Variants in DMXL2 observed in about 807,000 individuals in gnomAD.
DMXL2 encodes the protein dmX-like protein 2.
DMXL2 carries 103 observed loss-of-function variants against 331.1 expected under a neutral mutation model. The ratio of observed to expected loss-of-function variants is 0.31; its 90% CI spans 0.27 to 0.37. DMXL2 has a LOEUF of 0.37. Ranked by LOEUF, DMXL2 falls within the 10% of genes least tolerant of loss-of-function variation. The pLI is 1.00. For synonymous variants in DMXL2, 1,281 were observed against 1,252.1 expected (o/e 1.02, Z -0.49); for missense variants, 3,171 against 3,642.9 (o/e 0.87, Z 3.33).
intron 10 of DMXL2, among the ~76,000 whole-genome samples, chr15:51,538,007 T>C (rs922067344): frequency 2.0e-5 from 3 of 152,214 alleles, no homozygotes; most frequent in Non-Finnish European, 2.9e-5. Context: ...GAAAAGGATA[T>C]GGCTTCCAAA....
At chr15:51,450,462 C>T (rs2039037242) in intron 42 of DMXL2, 116 bp from the exon 43 acceptor site, 1 of 985,780 alleles carries the variant, frequency 1.0e-6, no homozygotes, top group Non-Finnish European at 1.5e-6. Flanking sequence ...TTCTAAGGTA[C>T]ATTTATTGTT....
chr15:51,488,430 C>T (rs1307722483), intron 21 of DMXL2, 118 bp downstream of exon 21: 3 of 884,348 alleles, frequency 3.4e-6, no homozygotes, highest in Admixed American at 2.7e-5. Flanking sequence ...GGAACCAGGT[C>T]GCATAGAAGT....
chr15:51,480,055 T>C lies in DMXL2; in HGVS notation c.6649A>G (p.Thr2217Ala). Residue 2217 changes from threonine (T) to alanine (A), a missense_variant, in exon 25 of 44, where the codon ACA (threonine) becomes GCA (alanine). Thr to Ala is a moderately conservative substitution (Grantham distance 58). Coordinates refer to ENST00000560891, the MANE Select transcript of DMXL2 (RefSeq NM_001378457.1). ...LLSASIASTK[T>A]VIANPVLYLN... The stretch of plus-strand genomic sequence containing the variant: ...TACAATACAGGATTAGCTATGACTG[T>C]TTTTGTTGACGCAATACTTGCTGAA... 1.2e-6 allele frequency: 2 copies of C among 1,602,960 alleles called. No homozygotes were observed. The highest frequency in any genetic ancestry group is 1.7e-6 in the Non-Finnish European group (2 of 1,171,458).
intron 23 of DMXL2, among the ~76,000 whole-genome samples, chr15:51,485,824 T>C (rs1483898734): frequency 2.6e-5 from 4 of 152,104 alleles, no homozygotes; most frequent in African/African-American, 7.2e-5. Flanking sequence ...TTAAAAAAAA[T>C]GGCTATATGA....
chr15:51,568,358 C>T (rs932971297), intron 3 of DMXL2, 129 bp downstream of exon 3: 2 of 602,346 alleles, frequency 3.3e-6, no homozygotes, highest in Middle Eastern at 9.1e-4. Flanking sequence ...ACATAAAGCA[C>T]TAGACCAATT....
Position 51,476,609 on chromosome 15 carries a change from G to A in DMXL2, c.6944C>T (p.Ser2315Leu). ...ESIEEHATPN[S>L]SPAQWPGVSS... ...CTCACCAGGCCATTGAGCAGGAGAT[G>A]AATTTGGTGTTGCGTGTTCTTCAAT... The change falls in exon 27 of 44, where the codon TCA (serine) becomes TTA (leucine). Residue 2315 changes from serine to leucine, a missense_variant. Transcript: ENST00000560891. 6.2e-7 allele frequency: 1 copy of A among 1,609,062 alleles called. No individual in the cohort carries two copies. The highest frequency in any genetic ancestry group is 8.5e-7 in the Non-Finnish European group (1 of 1,178,418).
At chr15:51,522,371 C>T (rs540762902) in intron 13 of DMXL2, among the ~76,000 whole-genome samples, 12 of 152,280 alleles carry the variant, frequency 7.9e-5, no homozygotes, top group African/African-American at 2.9e-4. Context: ...AGGGGCTGGG[C>T]GCAGTGGTGC....
At chr15:51,519,512 AATTT>A (rs1433881885) in intron 13 of DMXL2, among the ~76,000 whole-genome samples, 1 of 152,104 alleles carries the variant, frequency 6.6e-6, no homozygotes, top group African/African-American at 2.4e-5. Context: ...TTTAAGTTTA[AATTT>A]ATTTATACCA....
chr15:51,472,148 G>A (rs1169444871), intron 28 of DMXL2, among the ~76,000 whole-genome samples: 1 of 152,120 alleles, frequency 6.6e-6, no homozygotes, highest in Non-Finnish European at 1.5e-5. Context: ...CAGGAATTGG[G>A]TATGGGAGGG....
At chr15:51,452,692 T>G (rs1253857736) in intron 41 of DMXL2, among the ~76,000 whole-genome samples, 2 of 152,136 alleles carry the variant, frequency 1.3e-5, no homozygotes, top group African/African-American at 2.4e-5. Flanking sequence ...GGAGATTCCT[T>G]AAAGAACTAT....
chr15:51,452,761 G>C (rs1031134011), intron 41 of DMXL2, among the ~76,000 whole-genome samples: 2 of 152,120 alleles, frequency 1.3e-5, no homozygotes, highest in Non-Finnish European at 2.9e-5. Flanking sequence ...CAGAGGAAAA[G>C]AAGTCATTAT....
intron 13 of DMXL2, among the ~76,000 whole-genome samples, chr15:51,525,207 C>T (rs1376943830): frequency 1.3e-5 from 2 of 151,902 alleles, no homozygotes; most frequent in African/African-American, 4.8e-5. Context: ...CACCTGCTAA[C>T]TGAAGAGCCT....
At position 51,478,545 on chromosome 15, in the gene DMXL2, T is replaced by G. The variant is rs139873368; in HGVS notation, c.6757-198A>C. On this transcript the variant is annotated intron_variant, in intron 25 of 43. Transcript: ENST00000560891. The stretch of plus-strand genomic sequence containing the variant: ...ATACACATGCCACAATAAAGCTGAT[T>G]GTTTCAGACACATTTTAATCAAACA... 3.3e-3 allele frequency among the ~76,000 whole-genome samples: 502 copies of G among 152,258 alleles called. 4 individuals are homozygous for G. Among genetic ancestry groups the G allele is most frequent in the African/African-American group, 0.011 (470 of 41,550 alleles).
intron 2 of DMXL2, among the ~76,000 whole-genome samples, chr15:51,573,316 T>G (rs2050794940): frequency 6.6e-6 from 1 of 152,130 alleles, no homozygotes; most frequent in African/African-American, 2.4e-5. Context: ...GAACCAGAAA[T>G]ACCATTTGAC....
chr15:51,529,322 A>AT (rs1473516227), intron 13 of DMXL2, among the ~76,000 whole-genome samples: 11 of 152,082 alleles, frequency 7.2e-5, no homozygotes, highest in Admixed American at 7.2e-4. Flanking sequence ...CAAAAAGTTA[A>AT]TTTTTTGAAA....
intron 40 of DMXL2, among the ~76,000 whole-genome samples, chr15:51,454,360 C>T (rs756415324): frequency 3.3e-5 from 5 of 152,060 alleles, no homozygotes; most frequent in Non-Finnish European, 5.9e-5. Flanking sequence ...CACCATATCT[C>T]CATCAGGTAA....
At chr15:51,581,676 C>CT (rs1399923650) in intron 1 of DMXL2, among the ~76,000 whole-genome samples, 1 of 152,144 alleles carries the variant, frequency 6.6e-6, no homozygotes, top group Non-Finnish European at 1.5e-5. Flanking sequence ...CTTTATGTCT[C>CT]AGATAAATTG....
chr15:51,486,636 A>G (rs1217040239), intron 22 of DMXL2, among the ~76,000 whole-genome samples: 2 of 152,230 alleles, frequency 1.3e-5, no homozygotes, highest in Non-Finnish European at 2.9e-5. Context: ...ATTAAATACT[A>G]TATATGACAC....
chr15:51,611,261 G>C (rs2053951916), intron 1 of DMXL2, among the ~76,000 whole-genome samples: 1 of 152,122 alleles, frequency 6.6e-6, no homozygotes, highest in Middle Eastern at 3.2e-3. Context: ...ACCAATGGCA[G>C]TAATGACAAA....
Sources: allele counts gnomAD v4.1 joint callset (sites outside exome capture counted in the v4.1 genomes callset), GRCh38; gene constraint gnomAD v4.1.1; transcripts MANE v1.5; gene names NCBI Gene and HGNC (gene_info 2026-07-23, HGNC 2026-07-21).